NRG2: variants seen among roughly 807,000 people sequenced by gnomAD.
The protein encoded by NRG2 is pro-neuregulin-2, membrane-bound isoform.
Under a neutral mutation model 73.9 loss-of-function variants are expected in NRG2, and 27 were observed. The observed-to-expected ratio is 0.37, with a 90% CI of 0.27 to 0.50. The LOEUF is 0.50. NRG2 is among the 20% of genes least tolerant of loss of function. NRG2 has a pLI of 0.96. For synonymous variants in NRG2, 532 were observed against 541.0 expected (o/e 0.98, Z 0.23); for missense variants, 1,126 against 1,210.1 (o/e 0.93, Z 1.03).
intron 1 of NRG2, among the ~76,000 whole-genome samples, chr5:140,022,514 C>G (rs1313989120): frequency 2.0e-5 from 3 of 152,188 alleles, no homozygotes; most frequent in African/African-American, 7.2e-5. Context: ...AAGAAAGCAT[C>G]CAATAAACAT....
chr5:139,866,039 A>G lies in NRG2; in HGVS notation c.1113-414T>C, dbSNP rs184173914. Among the ~76,000 whole-genome samples the G allele has an allele frequency of 1.2e-3, 182 of 151,828 alleles. 1 individual carries two copies. The highest frequency in any genetic ancestry group is 3.4e-3 in the Middle Eastern group (1 of 294). Reference sequence around the variant, plus strand: ...AAGGAATACCAAGTTCTTGGGAGCTACTCCTCCCAGGACCGACTGAAGGAT... The same window carrying G: ...AAGGAATACCAAGTTCTTGGGAGCTGCTCCTCCCAGGACCGACTGAAGGAT... On this transcript the variant is annotated intron_variant, in intron 4 of 9. Transcript: ENST00000361474.
chr5:139,988,365 C>T (rs1201036610), intron 1 of NRG2, among the ~76,000 whole-genome samples: 1 of 152,084 alleles, frequency 6.6e-6, no homozygotes, highest in Non-Finnish European at 1.5e-5. Context: ...TTCATATCAT[C>T]TTCTATAATT....
chr5:139,954,760 C>T lies in NRG2; in HGVS notation c.701-67249G>A, dbSNP rs1489170356. 6.6e-6 allele frequency among the ~76,000 whole-genome samples: 1 copy of T among 152,212 alleles called. No homozygotes were observed. The highest frequency in any genetic ancestry group is 1.5e-5 in the Non-Finnish European group (1 of 68,038). On this transcript the variant is annotated intron_variant, in intron 1 of 9. Transcript: ENST00000361474. This position sits in a 1 kb window ranked among gnomAD's most constrained non-coding sequence, Gnocchi z 5.0. ...TCTCTATCAAATCATTGTTATTCCC[C>T]TTTTACATTCCACTCACCTGTGAAA...
At position 140,024,441 on chromosome 5, in the gene NRG2, G is replaced by C. The variant is rs143775238; in HGVS notation, c.700+17929C>G. 9.1e-3 allele frequency among the ~76,000 whole-genome samples: 1,391 copies of C among 152,224 alleles called. 3 individuals are homozygous for C. Among genetic ancestry groups the C allele is most frequent in the South Asian group, 0.024 (118 of 4,824 alleles). ...GGCTAAGTTTTTGTAATTTTTAGTA[G>C]AGACGGGGTTTCACTGTGTTAGCCA... is the stretch of plus-strand genomic sequence containing the variant. On this transcript the variant is annotated intron_variant, in intron 1 of 9. Transcript: ENST00000361474.
chr5:140,011,519 C>A (rs1424090620), intron 1 of NRG2, among the ~76,000 whole-genome samples: 1 of 152,186 alleles, frequency 6.6e-6, no homozygotes, highest in Non-Finnish European at 1.5e-5. Flanking sequence ...TCCCTCCTCC[C>A]ACCCTTTCTC....
chr5:139,876,480 T>C (rs1041102285), intron 3 of NRG2, among the ~76,000 whole-genome samples: 3 of 152,154 alleles, frequency 2.0e-5, no homozygotes, highest in Admixed American at 6.5e-5. Flanking sequence ...TTTTATGGTA[T>C]ATAAATTATA....
intron 2 of NRG2, among the ~76,000 whole-genome samples, chr5:139,881,873 G>T (rs759055462): frequency 6.6e-6 from 1 of 152,112 alleles, no homozygotes; most frequent in Admixed American, 6.5e-5. Context: ...TGAAGCCCCA[G>T]CCAAACCTCT....
chr5:139,852,886 C>T lies in NRG2; in HGVS notation c.1416+18G>A. The T allele has an allele frequency of 6.2e-7, 1 of 1,613,126 alleles. No homozygotes were observed. The highest frequency in any genetic ancestry group is 8.5e-7 in the Non-Finnish European group (1 of 1,179,722). On this transcript the variant is annotated intron_variant, in intron 7 of 9. Coordinates refer to ENST00000361474, the MANE Select transcript of NRG2 (RefSeq NM_004883.3). The surrounding 1 kb of genome is among the most constrained non-coding windows in gnomAD (Gnocchi z 4.4). ...GTCCACTGAGGGCTCAGAAGGGGGC[C>T]CCAGGAAAGCCACTCACATCTGCCA...
At chr5:139,925,155 T>C (rs1162577461) in intron 1 of NRG2, among the ~76,000 whole-genome samples, 1 of 152,080 alleles carries the variant, frequency 6.6e-6, no homozygotes, top group Non-Finnish European at 1.5e-5. Context: ...ATAAGTTCTA[T>C]TGTATGGTTT....
intron 9 of NRG2, among the ~76,000 whole-genome samples, chr5:139,848,963 A>T (rs1305911639): frequency 1.3e-5 from 2 of 152,172 alleles, no homozygotes; most frequent in East Asian, 3.9e-4. Flanking sequence ...AGATTGTATC[A>T]GTGGGATGTG....
rs1243653503 is a variant in NRG2, at chr5:139,869,791, C to T, written c.1112+1930G>A. ...CTGCCTCTGCTCCTCTCAGATTTAG[C>T]TGGGCAGGACTCAGAGGTCCTAGGG... On this transcript the variant is annotated intron_variant, in intron 4 of 9. Coordinates refer to ENST00000361474, the MANE Select transcript of NRG2 (RefSeq NM_004883.3). This position sits in a 1 kb window ranked among gnomAD's most constrained non-coding sequence, Gnocchi z 4.5. The T allele has an allele frequency of 1.3e-5, 2 of 152,382 alleles. No individual in the cohort carries two copies. Among genetic ancestry groups the T allele is most frequent in the African/African-American group, 2.4e-5 (1 of 41,458 alleles). 9.4% of individuals were successfully genotyped at this position (152,382 alleles called of 1,614,324 possible).
chr5:139,903,874 C>A (rs1488957135), intron 1 of NRG2, among the ~76,000 whole-genome samples: 1 of 152,226 alleles, frequency 6.6e-6, no homozygotes, highest in African/African-American at 2.4e-5. Context: ...TGGGTAGGGG[C>A]AAGCCCGAGG....
intron 1 of NRG2, among the ~76,000 whole-genome samples, chr5:140,005,151 T>C (rs1758791575): frequency 6.6e-6 from 1 of 152,164 alleles, no homozygotes; most frequent in Non-Finnish European, 1.5e-5. Flanking sequence ...TTGAACTCCC[T>C]GGGGCCAAAA....
At chr5:140,003,475 C>T (rs1479020670) in intron 1 of NRG2, among the ~76,000 whole-genome samples, 1 of 152,168 alleles carries the variant, frequency 6.6e-6, no homozygotes, top group Non-Finnish European at 1.5e-5. Flanking sequence ...AGACACTACA[C>T]TGCTGGTTTT....
chr5:139,911,830 A>G (rs1217672889), intron 1 of NRG2, among the ~76,000 whole-genome samples: 4 of 152,242 alleles, frequency 2.6e-5, no homozygotes. Context: ...TTGCACAGCA[A>G]TAATAACAAC....
At chr5:139,873,574 C>A (rs186924615) in intron 3 of NRG2, among the ~76,000 whole-genome samples, 42 of 152,392 alleles carry the variant, frequency 2.8e-4, no homozygotes, top group African/African-American at 9.6e-4. Flanking sequence ...GTACATCCTC[C>A]CCATCAGCAC....
At chr5:139,955,001 A>G (rs1227201699) in intron 1 of NRG2, among the ~76,000 whole-genome samples, 1 of 152,152 alleles carries the variant, frequency 6.6e-6, no homozygotes, top group Non-Finnish European at 1.5e-5. Context: ...TTCTTCTTGC[A>G]TTTGCCAACT....
chr5:139,987,876 G>A (rs377517110), intron 1 of NRG2, among the ~76,000 whole-genome samples: 8 of 147,922 alleles, frequency 5.4e-5, no homozygotes, highest in Non-Finnish European at 1.0e-4. Context: ...CCGGGTTCAC[G>A]CCATCCTCCT....
Position 139,997,955 on chromosome 5 carries a change from C to A in NRG2, c.700+44415G>T, listed in dbSNP as rs1220914084. On this transcript the variant is annotated intron_variant, in intron 1 of 9. Transcript: ENST00000361474. ...TAAATTAGGAAGCTTTTGTTAAACA[C>A]TTGCTCTGGCTAGACCTGGGCTCAG... 2.6e-5 allele frequency among the ~76,000 whole-genome samples: 4 copies of A among 152,332 alleles called. No homozygotes were observed. The East Asian group carries it at 7.7e-4, about 29-fold the overall frequency.
Sources: gnomAD v4.1 joint callset for allele counts (sites outside exome capture counted in the v4.1 genomes callset) on GRCh38, gnomAD v4.1.1 for gene constraint, Gnocchi (gnomAD v3.1) non-coding constraint, MANE v1.5 for transcripts, NCBI Gene and HGNC (gene_info 2026-07-23, HGNC 2026-07-21) for gene names.